IGF2BP2: variants seen among roughly 807,000 people sequenced by gnomAD.
IGF2BP2 encodes the protein insulin like growth factor 2 mRNA binding protein 2, also known as insulin-like growth factor 2 mRNA-binding protein 2.
In IGF2BP2, 17 loss-of-function variants were observed where a neutral mutation model predicts 75.8. The observed-to-expected ratio is 0.22, with a 90% CI of 0.15 to 0.34. The LOEUF (loss-of-function observed/expected upper bound fraction) is 0.34, where lower values mean the gene tolerates loss of function less well. Ranked by LOEUF, IGF2BP2 falls within the 10% of genes least tolerant of loss-of-function variation. The pLI is 1.00. For synonymous variants in IGF2BP2, 288 were observed against 295.6 expected (o/e 0.97, Z 0.26); for missense variants, 516 against 772.4 (o/e 0.67, Z 3.93).
chr3:185,672,333 G>T (rs1421222030), intron 10 of IGF2BP2, among the ~76,000 whole-genome samples: 1 of 152,196 alleles, frequency 6.6e-6, no homozygotes, highest in Admixed American at 6.5e-5. Flanking sequence ...CTATATTTAA[G>T]AACACGTGTT....
chr3:185,671,052 T>C (rs1224021698), intron 10 of IGF2BP2, among the ~76,000 whole-genome samples: 2 of 152,190 alleles, frequency 1.3e-5, no homozygotes, highest in African/African-American at 4.8e-5. Flanking sequence ...CATTGGGCCA[T>C]TCTCAGATCT....
chr3:185,668,488 GAGAGAGAGAGAGAGAGAGAGAT>G (rs948762950), intron 10 of IGF2BP2, among the ~76,000 whole-genome samples: 1 of 120,526 alleles, frequency 8.3e-6, no homozygotes, highest in African/African-American at 3.2e-5. Context: ...TCATTTGTTC[GAGAGAGAGAGAGAGAGAGAGAT>G]ATATATATAT....
intron 13 of IGF2BP2, among the ~76,000 whole-genome samples, chr3:185,650,091 T>A (rs1362379178): frequency 2.0e-5 from 3 of 149,446 alleles, no homozygotes; most frequent in Admixed American, 1.3e-4. Context: ...TTTCATTCTT[T>A]TTTTTTTTTT....
chr3:185,747,463 G>A (rs1400715314), intron 2 of IGF2BP2, among the ~76,000 whole-genome samples: 6 of 152,100 alleles, frequency 3.9e-5, no homozygotes, highest in Non-Finnish European at 4.4e-5. Flanking sequence ...TGGATCACCT[G>A]AGGTCAGAAC....
At chr3:185,810,696 C>T (rs1473729125) in intron 2 of IGF2BP2, among the ~76,000 whole-genome samples, 1 of 151,736 alleles carries the variant, frequency 6.6e-6, no homozygotes, top group Admixed American at 6.6e-5. Context: ...ATTGCTTGAA[C>T]CCAGGAGGCG....
chr3:185,717,182 G>A, intron 2 of IGF2BP2: 1 of 181,036 alleles, frequency 5.5e-6, no homozygotes. Flanking sequence ...TGAGGGCTGG[G>A]CACCCCGGTC....
intron 2 of IGF2BP2, among the ~76,000 whole-genome samples, chr3:185,747,851 T>C (rs1362686263): frequency 7.6e-5 from 4 of 52,400 alleles, no homozygotes; most frequent in African/African-American, 5.5e-4. Context: ...CTACTCCAAT[T>C]TTATTTTATT....
At chr3:185,814,259 T>C (rs564576115) in intron 2 of IGF2BP2, among the ~76,000 whole-genome samples, 2 of 152,220 alleles carry the variant, frequency 1.3e-5, no homozygotes, top group African/African-American at 4.8e-5. Flanking sequence ...AGTGTTAAAC[T>C]GCTTTTATCA....
chr3:185,677,321 G>A (rs1395253940), intron 7 of IGF2BP2, among the ~76,000 whole-genome samples: 3 of 151,806 alleles, frequency 2.0e-5, no homozygotes, highest in Admixed American at 2.0e-4. Flanking sequence ...GAGCACTGAA[G>A]GATCAGCATT....
chr3:185,821,062 A>G, intron 2 of IGF2BP2: 2 of 1,535,408 alleles, frequency 1.3e-6, no homozygotes, highest in Non-Finnish European at 1.7e-6. Context: ...ATGAGAACAT[A>G]CAGCTGCTTC....
At position 185,647,885 on chromosome 3, in the gene IGF2BP2, C is replaced by T. The variant is rs994467742; in HGVS notation, c.1594-747G>A. Among the ~76,000 whole-genome samples the T allele has an allele frequency of 8.5e-5, 13 of 152,194 alleles. No individual in the cohort carries two copies. The highest frequency in any genetic ancestry group is 3.3e-4 in the Admixed American group (5 of 15,286). ...GGTTCAGCATGTGCTTTAGGGGAAA[C>T]CTGAAAGTCTGGAGGATGCAGAGAA... On this transcript the variant is annotated intron_variant, in intron 14 of 15. Transcript: ENST00000382199. This position sits in a 1 kb window ranked among gnomAD's most constrained non-coding sequence, Gnocchi z 4.9.
chr3:185,667,130 A>G (rs1395671695), intron 10 of IGF2BP2, among the ~76,000 whole-genome samples: 1 of 152,248 alleles, frequency 6.6e-6, no homozygotes, highest in Admixed American at 6.5e-5. Context: ...GCATTCGATG[A>G]GATTCAAAGT....
chr3:185,770,961 G>C lies in IGF2BP2; in HGVS notation c.239+52192C>G, dbSNP rs77055618. Among the ~76,000 whole-genome samples the C allele has an allele frequency of 1.2e-4, 18 of 152,232 alleles. No individual in the cohort carries two copies. In the South Asian group the frequency reaches 3.3e-3, roughly 28 times the overall value. On this transcript the variant is annotated intron_variant, in intron 2 of 15. Coordinates refer to ENST00000382199, the MANE Select transcript of IGF2BP2 (RefSeq NM_006548.6). The stretch of plus-strand genomic sequence containing the variant: ...AGAGGGAGACTCACTATGTTGCCCA[G>C]ACTGGTCTTGAACTCTTGGCCTCAA...
At chr3:185,752,315 A>G (rs926834336) in intron 2 of IGF2BP2, among the ~76,000 whole-genome samples, 1 of 152,220 alleles carries the variant, frequency 6.6e-6, no homozygotes, top group Non-Finnish European at 1.5e-5. Context: ...TGATAAAGCT[A>G]GAGGAATTAT....
chr3:185,727,368 T>C (rs1727493572), intron 2 of IGF2BP2, among the ~76,000 whole-genome samples: 1 of 152,164 alleles, frequency 6.6e-6, no homozygotes, highest in African/African-American at 2.4e-5. Context: ...GAGCGGGCTA[T>C]GCACCAGCCT....
intron 2 of IGF2BP2, among the ~76,000 whole-genome samples, chr3:185,818,973 C>T (rs1740972518): frequency 6.6e-6 from 1 of 151,992 alleles, no homozygotes; most frequent in Non-Finnish European, 1.5e-5. Flanking sequence ...GCAATTTGTT[C>T]TAAATCTTCT....
At chr3:185,714,719 G>A (rs578014343) in intron 2 of IGF2BP2, among the ~76,000 whole-genome samples, 3 of 152,274 alleles carry the variant, frequency 2.0e-5, no homozygotes, top group East Asian at 3.9e-4. Context: ...AGGCCAAGTC[G>A]AGAGGATTGC....
At chr3:185,692,587 T>A in intron 5 of IGF2BP2, 112 bp downstream of exon 5, 1 of 936,454 alleles carries the variant, frequency 1.1e-6, no homozygotes. Context: ...GTGGCACATA[T>A]CCAGCTCAAA....
At chr3:185,667,468 C>T (rs888284195) in intron 10 of IGF2BP2, among the ~76,000 whole-genome samples, 5 of 152,068 alleles carry the variant, frequency 3.3e-5, no homozygotes, top group Non-Finnish European at 5.9e-5. Flanking sequence ...GCCTGGGCAA[C>T]ATAGCACGGT....
Sources: gnomAD v4.1 joint callset for allele counts (sites outside exome capture counted in the v4.1 genomes callset) on GRCh38, gnomAD v4.1.1 for gene constraint, Gnocchi (gnomAD v3.1) non-coding constraint, MANE v1.5 for transcripts, NCBI Gene and HGNC (gene_info 2026-07-23, HGNC 2026-07-21) for gene names.